NHERF2: variants seen among roughly 807,000 people sequenced by gnomAD.
NHERF2 encodes the protein NHERF family PDZ scaffold protein 2.
At chr16:2,034,108 C>T in the NHERF2 span, among the ~76,000 whole-genome samples, 26 of 152,320 alleles carry the variant, frequency 1.7e-4, no homozygotes, top group East Asian at 1.7e-3. Context: ...CCTGAGAAAC[C>T]CTGCCCCGCA....
chr16:2,037,665 G>A, the NHERF2 span: 2 of 1,579,702 alleles, frequency 1.3e-6, no homozygotes, highest in South Asian at 2.3e-5. Flanking sequence ...GTAGGCGTCT[G>A]TGGAGATGTC....
chr16:2,034,123 G>T, the NHERF2 span, among the ~76,000 whole-genome samples: 1 of 152,212 alleles, frequency 6.6e-6, no homozygotes. Context: ...CCCGCAGGCC[G>T]CTGTGCAGGC....
the NHERF2 span, chr16:2,032,985 G>C: frequency 1.8e-6 from 2 of 1,129,634 alleles, no homozygotes; most frequent in South Asian, 4.4e-5. The surrounding 1 kb of genome is among the most constrained non-coding windows in gnomAD (Gnocchi z 4.0). Flanking sequence ...GGGGGCTTCC[G>C]GGCTTCCCTG....
At chr16:2,029,199 G>T in the NHERF2 span, among the ~76,000 whole-genome samples, 2 of 152,184 alleles carry the variant, frequency 1.3e-5, no homozygotes, top group Non-Finnish European at 2.9e-5. Context: ...GGATGCATGC[G>T]CGCACAGGGA....
At chr16:2,027,220 T>A in the NHERF2 span, 1 of 1,333,362 alleles carries the variant, frequency 7.5e-7, no homozygotes, top group Non-Finnish European at 9.6e-7. Context: ...CACCACCAGG[T>A]GGGGGCCAGC....
chr16:2,030,084 A>T, the NHERF2 span, among the ~76,000 whole-genome samples: 1 of 152,184 alleles, frequency 6.6e-6, no homozygotes, highest in Non-Finnish European at 1.5e-5. Flanking sequence ...CCCAGCCCCC[A>T]GCCTCGTGGC....
At chr16:2,036,419 C>T in the NHERF2 span, 1 of 1,607,710 alleles carries the variant, frequency 6.2e-7, no homozygotes, top group Non-Finnish European at 8.5e-7. Flanking sequence ...GTGACAAGTC[C>T]CGGCCCGGCC....
chr16:2,029,608 G>A, the NHERF2 span: 1 of 1,579,682 alleles, frequency 6.3e-7, no homozygotes, highest in South Asian at 1.2e-5. Flanking sequence ...AGGCTGTGGA[G>A]GGGCAGACTC....
At chr16:2,027,459 C>T in the NHERF2 span, among the ~76,000 whole-genome samples, 18 of 152,238 alleles carry the variant, frequency 1.2e-4, no homozygotes, top group South Asian at 3.7e-3. Flanking sequence ...TGGCCTCGCC[C>T]TTTGGTCGCG....
At chr16:2,035,187 A>T in the NHERF2 span, among the ~76,000 whole-genome samples, 1 of 152,080 alleles carries the variant, frequency 6.6e-6, no homozygotes, top group Admixed American at 6.5e-5. Flanking sequence ...GCAGGTCCTG[A>T]GCCCAGGGGA....
the NHERF2 span, among the ~76,000 whole-genome samples, chr16:2,031,308 T>C: frequency 6.6e-6 from 1 of 152,090 alleles, no homozygotes; most frequent in African/African-American, 2.4e-5. Context: ...GGGCTGGCCT[T>C]GCAGGGGGGC....
At chr16:2,032,022 CTTT>C in the NHERF2 span, among the ~76,000 whole-genome samples, 21 of 141,860 alleles carry the variant, frequency 1.5e-4, no homozygotes, top group South Asian at 2.2e-4. The surrounding 1 kb of genome is among the most constrained non-coding windows in gnomAD (Gnocchi z 4.0). Context: ...TTCTTTCTTT[CTTT>C]TTTTTTTTTT....
At chr16:2,035,887 G>A in the NHERF2 span, 1 of 188,738 alleles carries the variant, frequency 5.3e-6, no homozygotes, top group African/African-American at 2.4e-5. Flanking sequence ...GGCCTCTGGA[G>A]AGAAAACAAA....
the NHERF2 span, chr16:2,036,314 G>C: frequency 6.2e-7 from 1 of 1,600,614 alleles, no homozygotes; most frequent in Non-Finnish European, 8.5e-7. Flanking sequence ...CCTGTCCGTT[G>C]GGCCTGCAGG....
At chr16:2,027,239 C>G in the NHERF2 span, 1 of 1,259,324 alleles carries the variant, frequency 7.9e-7, no homozygotes, top group South Asian at 2.5e-5. Context: ...GCGCTCGCCC[C>G]CGGCCCGCCG....
chr16:2,036,674 G>A, the NHERF2 span: 277 of 1,595,796 alleles, frequency 1.7e-4, 2 homozygotes, highest in East Asian at 5.1e-3. Flanking sequence ...TGGCCACGCG[G>A]CGTTGGGGGC....
At chr16:2,029,584 G>A in the NHERF2 span, 3 of 1,570,186 alleles carry the variant, frequency 1.9e-6, no homozygotes, top group East Asian at 2.4e-5. Context: ...CGCCCCAGGT[G>A]GTGCAAAGGA....
At chr16:2,037,138 C>G in the NHERF2 span, 1 of 1,068,884 alleles carries the variant, frequency 9.4e-7, no homozygotes. Context: ...CCCTTTAATG[C>G]CCCTGTGGGT....
At chr16:2,037,250 C>G in the NHERF2 span, among the ~76,000 whole-genome samples, 1 of 152,312 alleles carries the variant, frequency 6.6e-6, no homozygotes, top group East Asian at 1.9e-4. Context: ...GAGTTGCCCT[C>G]CAGTCTCTGC....
Sources: gnomAD v4.1 joint callset for allele counts (sites outside exome capture counted in the v4.1 genomes callset) on GRCh38, gnomAD v4.1.1 for gene constraint, Gnocchi (gnomAD v3.1) non-coding constraint, MANE v1.5 for transcripts, NCBI Gene and HGNC (gene_info 2026-07-23, HGNC 2026-07-21) for gene names.